Variants in RAPGEF5 observed in about 807,000 individuals in gnomAD.
RAPGEF5 encodes M-Ras-regulated GEF.
A neutral mutation model predicts 125.2 loss-of-function variants in RAPGEF5; 65 were observed. The ratio of observed to expected loss-of-function variants is 0.52; its 90% CI spans 0.43 to 0.64. RAPGEF5 has a LOEUF of 0.64. Among genes scored for constraint, RAPGEF5 ranks in the 30% least tolerant of loss-of-function variants. The pLI is 0.00. For missense variants in RAPGEF5, 958 were observed against 1,048.1 expected, an observed-to-expected ratio of 0.91 and a Z score of 1.19; for synonymous variants, 391 against 385.9, an observed-to-expected ratio of 1.01 and a Z score of -0.16.
At chr7:22,201,322 G>T (rs1298896782) in intron 9 of RAPGEF5, among the ~76,000 whole-genome samples, 1 of 152,224 alleles carries the variant, frequency 6.6e-6, no homozygotes, top group African/African-American at 2.4e-5. Context: ...CAGAGCAGGA[G>T]GACAATAAAT....
chr7:22,291,806 A>G (rs1279234958), intron 5 of RAPGEF5, among the ~76,000 whole-genome samples: 1 of 152,240 alleles, frequency 6.6e-6, no homozygotes, highest in Non-Finnish European at 1.5e-5. Flanking sequence ...AGCTAAGAAT[A>G]TTATGCACGT....
intron 1 of RAPGEF5, among the ~76,000 whole-genome samples, chr7:22,331,081 A>C (rs1461844876): frequency 6.6e-6 from 1 of 152,148 alleles, no homozygotes; most frequent in Non-Finnish European, 1.5e-5. Flanking sequence ...CTCCAGTTCG[A>C]CACCAGAGAA....
intron 24 of RAPGEF5, among the ~76,000 whole-genome samples, chr7:22,130,205 A>G (rs188839013): frequency 7.1e-4 from 108 of 152,318 alleles, no homozygotes; most frequent in African/African-American, 2.5e-3. Context: ...CTATGACACT[A>G]AAGTTCATCT....
At chr7:22,164,566 C>T (rs776174556) in intron 12 of RAPGEF5, among the ~76,000 whole-genome samples, 5 of 152,168 alleles carry the variant, frequency 3.3e-5, no homozygotes, top group Non-Finnish European at 7.3e-5. Context: ...AACCATTCTC[C>T]ATTCATAGTT....
At chr7:22,288,097 A>C (rs1304512946) in intron 6 of RAPGEF5, among the ~76,000 whole-genome samples, 1 of 152,234 alleles carries the variant, frequency 6.6e-6, no homozygotes, top group Non-Finnish European at 1.5e-5. Context: ...AACTAAATCC[A>C]CAGTGAACAC....
chr7:22,202,394 C>T (rs1785299752), intron 9 of RAPGEF5, among the ~76,000 whole-genome samples: 1 of 152,150 alleles, frequency 6.6e-6, no homozygotes. Flanking sequence ...CAAATCCTGG[C>T]AGCCATCCAA....
chr7:22,151,783 G>C (rs553000046), intron 17 of RAPGEF5, among the ~76,000 whole-genome samples: 2 of 152,204 alleles, frequency 1.3e-5, no homozygotes, highest in African/African-American at 4.8e-5. Flanking sequence ...CTTTTGGTAA[G>C]TTTACTATTT....
intron 5 of RAPGEF5, among the ~76,000 whole-genome samples, chr7:22,293,586 CT>C (rs765324455): frequency 4.6e-5 from 7 of 152,196 alleles, no homozygotes; most frequent in Admixed American, 6.5e-5. Context: ...AAACCCAGAT[CT>C]GGTCCTGCTC....
chr7:22,210,747 T>C (rs1170736249), intron 9 of RAPGEF5, among the ~76,000 whole-genome samples: 1 of 152,204 alleles, frequency 6.6e-6, no homozygotes, highest in African/African-American at 2.4e-5. Context: ...TTCACTGACT[T>C]ATGTACAAAT....
chr7:22,333,327 A>C (rs996378450), intron 1 of RAPGEF5, among the ~76,000 whole-genome samples: 1 of 152,150 alleles, frequency 6.6e-6, no homozygotes, highest in Non-Finnish European at 1.5e-5. Context: ...CTTGGGCCCA[A>C]AACAGCATAT....
chr7:22,213,932 T>A (rs189052467), intron 9 of RAPGEF5, among the ~76,000 whole-genome samples: 1 of 152,328 alleles, frequency 6.6e-6, no homozygotes, highest in African/African-American at 2.4e-5. Context: ...TAGTATTTCA[T>A]ATAGAGTAAA....
At chr7:22,302,526 C>G (rs1374233859) in intron 5 of RAPGEF5, among the ~76,000 whole-genome samples, 1 of 152,110 alleles carries the variant, frequency 6.6e-6, no homozygotes, top group East Asian at 1.9e-4. Flanking sequence ...AGCTGGCTGC[C>G]TATCCACTCG....
intron 3 of RAPGEF5, among the ~76,000 whole-genome samples, chr7:22,312,202 T>C (rs1783486823): frequency 6.6e-6 from 1 of 152,104 alleles, no homozygotes; most frequent in East Asian, 1.9e-4. Flanking sequence ...GGACCTCAGA[T>C]TCCACATTCC....
At chr7:22,201,543 A>G (rs890510616) in intron 9 of RAPGEF5, among the ~76,000 whole-genome samples, 2 of 152,228 alleles carry the variant, frequency 1.3e-5, no homozygotes, top group African/African-American at 4.8e-5. Context: ...AACAACTCAA[A>G]GAAAAAATCT....
chr7:22,347,060 T>TA (rs1438427056), intron 1 of RAPGEF5, among the ~76,000 whole-genome samples: 3 of 152,090 alleles, frequency 2.0e-5, no homozygotes, highest in Non-Finnish European at 2.9e-5. Flanking sequence ...TTTGCTCTCC[T>TA]AAAAAAAGCT....
intron 8 of RAPGEF5, among the ~76,000 whole-genome samples, chr7:22,222,758 G>T (rs1325389122): frequency 6.6e-6 from 1 of 152,176 alleles, no homozygotes; most frequent in Non-Finnish European, 1.5e-5. Flanking sequence ...CAGGATCATT[G>T]TATGTCCTGG....
At position 22,150,513 on chromosome 7, in the gene RAPGEF5, GAAAAAA is replaced by G. The variant is rs10668286; in HGVS notation, c.1787-15_1787-10del. 1.3e-4 allele frequency: 179 copies of G among 1,351,716 alleles called. No individual in the cohort carries two copies. The highest frequency in any genetic ancestry group is 3.0e-4 in the South Asian group (21 of 70,158). The allele number at this position is 1,351,716 out of a possible 1,614,324, so 83.7% of individuals were successfully genotyped here. On this transcript the variant is annotated splice_polypyrimidine_tract_variant and intron_variant, in intron 17 of 25. Transcript: ENST00000665637. Reference sequence around the variant, plus strand: ...CTGAAGTTCATGCTTTTCTTTATTTGAAAAAAAAAAAAAAAAAAGGAATAATCAGAA... The same window carrying G: ...CTGAAGTTCATGCTTTTCTTTATTTGAAAAAAAAAAAAGGAATAATCAGAA...
intron 3 of RAPGEF5, among the ~76,000 whole-genome samples, chr7:22,310,822 GA>G (rs1436388118): frequency 1.3e-5 from 2 of 152,058 alleles, no homozygotes; most frequent in Non-Finnish European, 2.9e-5. Flanking sequence ...AACCACGCAT[GA>G]AAAATTATTT....
intron 9 of RAPGEF5, among the ~76,000 whole-genome samples, chr7:22,196,271 C>G (rs7798647): frequency 0.02 from 2,985 of 152,202 alleles, 96 homozygotes; most frequent in African/African-American, 0.069. Flanking sequence ...TTTCCTGACC[C>G]CTGCATGCTT....
Sources: gnomAD v4.1 joint callset for allele counts (sites outside exome capture counted in the v4.1 genomes callset) on GRCh38, gnomAD v4.1.1 for gene constraint, MANE v1.5 for transcripts, NCBI Gene and HGNC (gene_info 2026-07-23, HGNC 2026-07-21) for gene names.